RAB11FIP5: variants seen among roughly 807,000 people sequenced by gnomAD.
RAB11FIP5 encodes RAB11 family interacting protein 5.
A neutral mutation model predicts 85.1 loss-of-function variants in RAB11FIP5; 48 were observed. The observed-to-expected ratio is 0.56, with a 90% CI of 0.45 to 0.72. The LOEUF is 0.72. Among genes scored for constraint, RAB11FIP5 ranks in the 30% least tolerant of loss-of-function variants. RAB11FIP5 has a pLI of 0.00. For missense variants in RAB11FIP5, 1,491 were observed against 1,687.0 expected, an observed-to-expected ratio of 0.88 and a Z score of 2.04; for synonymous variants, 729 against 727.3, an observed-to-expected ratio of 1.00 and a Z score of -0.04.
chr2:73,105,627 T>A (rs940732263), intron 1 of RAB11FIP5, among the ~76,000 whole-genome samples: 6 of 151,668 alleles, frequency 4.0e-5, no homozygotes, highest in Non-Finnish European at 8.8e-5. Flanking sequence ...GGGACAGACA[T>A]AAGGCTAGAG....
chr2:73,094,340 T>G (rs552544506), intron 1 of RAB11FIP5, among the ~76,000 whole-genome samples: 3 of 152,082 alleles, frequency 2.0e-5, no homozygotes, highest in South Asian at 2.1e-4. Flanking sequence ...ACCTGTCACT[T>G]TCATCCAGGG....
chr2:73,079,010 C>A (rs150834264), intron 4 of RAB11FIP5, among the ~76,000 whole-genome samples: 1 of 152,342 alleles, frequency 6.6e-6, no homozygotes, highest in African/African-American at 2.4e-5. Flanking sequence ...GCACCAAACG[C>A]AAACCAATGA....
chr2:73,094,523 A>G (rs1684281454), intron 1 of RAB11FIP5, among the ~76,000 whole-genome samples: 1 of 152,186 alleles, frequency 6.6e-6, no homozygotes. Flanking sequence ...CGCCACCCAG[A>G]CTTACTGAAC....
rs1380179440 is a variant in RAB11FIP5 at position 73,080,183 on chromosome 2, G to T, written c.3049C>A (p.His1017Asn). 19 of 1,232,114 alleles carry T rather than the reference G, an allele frequency of 1.5e-5. 1 individual carries two copies. The highest frequency in any genetic ancestry group is 1.6e-5 in the African/African-American group (1 of 64,360). 76.3% of individuals were successfully genotyped at this position (1,232,114 alleles called of 1,614,324 possible). ...CCAACCTCTGGAGTCCCCCAGATGT[G>T]CTGACTCTGAAGAGCCAAGCTCTTT... Reference protein sequence around the residue: ...HSKSLALQSQHIWGTPEVGEG... With the variant: ...HSKSLALQSQNIWGTPEVGEG... Residue 1017 changes from histidine (H) to asparagine (N), a missense_variant, in exon 4 of 6, where the codon CAC (histidine) becomes AAC (asparagine). Transcript: ENST00000486777.
At chr2:73,111,278 G>A (rs1216427093) in intron 1 of RAB11FIP5, among the ~76,000 whole-genome samples, 1 of 152,000 alleles carries the variant, frequency 6.6e-6, no homozygotes, top group Non-Finnish European at 1.5e-5. Flanking sequence ...TTTGCACCAG[G>A]CTCATCCCCC....
In RAB11FIP5 at chr2:73,081,160, G is replaced by A. The variant is rs1252003941; in HGVS notation, c.2072C>T (p.Ala691Val). The change falls in exon 4 of 6, where the codon GCG (alanine) becomes GTG (valine). Residue 691 changes from alanine to valine, a missense_variant. Transcript: ENST00000486777. This position sits in a 1 kb window ranked among gnomAD's most constrained non-coding sequence, Gnocchi z 4.2. ...CTCTCCCTGGGGCTCAGCTGCCTTC[G>A]CAGTCATGGCCCCAGGGCCTGGGTC... ...LQDPGPGAMT[A>V]KAAEPQGEPG... 50 of 1,232,670 alleles carry A rather than the reference G, an allele frequency of 4.1e-5. No homozygotes were observed. Among genetic ancestry groups the A allele is most frequent in the Middle Eastern group, 3.1e-4 (1 of 3,266 alleles). 76.4% of individuals were successfully genotyped at this position (1,232,670 alleles called of 1,614,324 possible).
Position 73,089,296 on chromosome 2 carries a change from T to G in RAB11FIP5, c.451A>C (p.Lys151Gln). The G allele has an allele frequency of 6.2e-7, 1 of 1,613,860 alleles. No individual in the cohort carries two copies. Among genetic ancestry groups the G allele is most frequent in the East Asian group, 2.2e-5 (1 of 44,860 alleles). Residue 151 changes from lysine (K) to glutamine (Q), a missense_variant, in exon 2 of 6, where the codon AAG becomes CAG. This residue lies in a region of RAB11FIP5 where 1,211 missense variants were observed against 1,338.0 expected (regional missense o/e 0.91). Transcript: ENST00000486777. The surrounding 1 kb of genome is among the most constrained non-coding windows in gnomAD (Gnocchi z 4.6). ...QHTQWYKLHS[K>Q]PGKKEKERGE... is the part of the protein sequence containing the mutation. ...CGTTCCTTCTCCTTCTTGCCTGGCT[T>G]GGAGTGCAGCTTGTACCACCTGTGA...
intron 1 of RAB11FIP5, among the ~76,000 whole-genome samples, chr2:73,102,509 C>A (rs912656622): frequency 6.6e-6 from 1 of 152,082 alleles, no homozygotes; most frequent in African/African-American, 2.4e-5. Flanking sequence ...TTTTTTAAGC[C>A]TGAACTAGGA....
chr2:73,112,525 G>T lies in RAB11FIP5; in HGVS notation c.253C>A (p.Leu85Met), dbSNP rs765330022. ...GCGTCGGCCTCCTGCGCCCGCAGCAGGCCATCCAGGGCCCCCGGCGGCAGC... is the reference window on the plus strand; with the variant it reads ...GCGTCGGCCTCCTGCGCCCGCAGCATGCCATCCAGGGCCCCCGGCGGCAGC... ...FELPPGALDG[L>M]LRAQEADAGP... The change falls in exon 1 of 6, where the codon CTG becomes ATG. Residue 85 changes from leucine (L) to methionine (M), a missense_variant. Leu to Met is a conservative substitution (Grantham distance 15). Coordinates refer to ENST00000486777, the MANE Select transcript of RAB11FIP5 (RefSeq NM_001371272.1). 1 of 1,519,770 alleles carries T rather than the reference G, an allele frequency of 6.6e-7. No individual in the cohort carries two copies. Among genetic ancestry groups the T allele is most frequent in the Admixed American group, 2.1e-5 (1 of 46,944 alleles). The allele number at this position is 1,519,770 out of a possible 1,614,324, so 94.1% of individuals were successfully genotyped here. A position where few individuals can be genotyped will look rare whatever the true frequency, so the allele number is the denominator to read the frequency against.
chr2:73,080,466 T>TGA lies in RAB11FIP5; in HGVS notation c.2765_2766insTC (p.Val923GlnfsTer4). ...CCGGCCCCCTGTTACTCAGCCCCACTGCGGCCTTCTCCTCCTCCTCCTCCT... is the reference window on the plus strand; with the variant it reads ...CCGGCCCCCTGTTACTCAGCCCCACTGAGCGGCCTTCTCCTCCTCCTCCTCCT... On this transcript the variant is annotated frameshift_variant, in exon 4 of 6. Transcript: ENST00000486777. LOFTEE classifies it high-confidence loss of function. 1 of 1,233,732 alleles carries TGA rather than the reference T, an allele frequency of 8.1e-7. No individual in the cohort carries two copies. Among genetic ancestry groups the TGA allele is most frequent in the Non-Finnish European group, 1.0e-6 (1 of 988,848 alleles). The allele number at this position is 1,233,732 out of a possible 1,614,324, so 76.4% of individuals were successfully genotyped here.
In RAB11FIP5 at chr2:73,093,919, G is replaced by C. The variant is rs370636843; in HGVS notation, c.432-4604C>G. 8.5e-5 allele frequency among the ~76,000 whole-genome samples: 13 copies of C among 152,330 alleles called. No homozygotes were observed. The East Asian group carries it at 2.1e-3, about 25-fold the overall frequency. Reference sequence around the variant, plus strand: ...GCAGATCACTTGAGGCCAGGAGTTTGAGACCTGCCTGGCCAACATGGCGAA... The same window carrying C: ...GCAGATCACTTGAGGCCAGGAGTTTCAGACCTGCCTGGCCAACATGGCGAA... On this transcript the variant is annotated intron_variant, in intron 1 of 5. Coordinates refer to ENST00000486777, the MANE Select transcript of RAB11FIP5 (RefSeq NM_001371272.1).
rs184526460 is a variant in RAB11FIP5 at position 73,108,712 on chromosome 2, T to C, written c.431+3635A>G. Among the ~76,000 whole-genome samples, 800 of 152,234 alleles carry C rather than the reference T, an allele frequency of 5.3e-3. 23 individuals are homozygous for C. Among genetic ancestry groups the C allele is most frequent in the Non-Finnish European group, 1.3e-3 (90 of 68,020 alleles). Reference sequence around the variant, plus strand: ...CACATCCCATCCCTGTCTTGGGAGTTAGGGAGGCAAACACAGGACACCCAC... The same window carrying C: ...CACATCCCATCCCTGTCTTGGGAGTCAGGGAGGCAAACACAGGACACCCAC... On this transcript the variant is annotated intron_variant, in intron 1 of 5. Transcript: ENST00000486777.
At chr2:73,104,937 C>T (rs972826815) in intron 1 of RAB11FIP5, among the ~76,000 whole-genome samples, 12 of 152,310 alleles carry the variant, frequency 7.9e-5, no homozygotes, top group African/African-American at 2.6e-4. Context: ...CACTTTATTT[C>T]CCTGGTTTCC....
At chr2:73,093,540 C>G (rs1684259435) in intron 1 of RAB11FIP5, among the ~76,000 whole-genome samples, 1 of 152,208 alleles carries the variant, frequency 6.6e-6, no homozygotes. Flanking sequence ...CTGCAGGGCC[C>G]TCTCTCAGCT....
chr2:73,108,692 C>T (rs1304361229), intron 1 of RAB11FIP5, among the ~76,000 whole-genome samples: 2 of 152,222 alleles, frequency 1.3e-5, no homozygotes, highest in Admixed American at 6.5e-5. Flanking sequence ...ACCACCACAT[C>T]CCATCCCTGT....
intron 1 of RAB11FIP5, among the ~76,000 whole-genome samples, chr2:73,093,740 C>T (rs1025016483): frequency 2.0e-5 from 3 of 152,238 alleles, no homozygotes; most frequent in East Asian, 3.9e-4. Context: ...CTCCCACGAC[C>T]GTGAGCTCTT....
intron 1 of RAB11FIP5, among the ~76,000 whole-genome samples, chr2:73,104,003 CCCA>C (rs1476676719): frequency 6.6e-6 from 1 of 152,148 alleles, no homozygotes; most frequent in African/African-American, 2.4e-5. Context: ...CAGTTCAGAC[CCCA>C]CAACAGGGGG....
At position 73,105,743 on chromosome 2, in the gene RAB11FIP5, A is replaced by G. The variant is rs114861604; in HGVS notation, c.431+6604T>C. 3.6e-3 allele frequency among the ~76,000 whole-genome samples: 542 copies of G among 151,918 alleles called. 5 individuals carry two copies. Among genetic ancestry groups the G allele is most frequent in the African/African-American group, 0.012 (515 of 41,404 alleles). On this transcript the variant is annotated intron_variant, in intron 1 of 5. Coordinates refer to ENST00000486777, the MANE Select transcript of RAB11FIP5 (RefSeq NM_001371272.1). ...ACCCCCGAGATCCATGTCAAGGAGAAGAGAGGAAGCCTTGGCAGGCAGCAG... is the reference window on the plus strand; with the variant it reads ...ACCCCCGAGATCCATGTCAAGGAGAGGAGAGGAAGCCTTGGCAGGCAGCAG...
chr2:73,088,975 G>T lies in RAB11FIP5; in HGVS notation c.772C>A (p.Leu258Met). 7 of 1,614,156 alleles carry T rather than the reference G, an allele frequency of 4.3e-6. No individual in the cohort carries two copies. Among genetic ancestry groups the T allele is most frequent in the Non-Finnish European group, 5.9e-6 (7 of 1,180,014 alleles). The change falls in exon 2 of 6, where the codon CTG becomes ATG. Residue 258 changes from leucine to methionine, a missense_variant. Physicochemically the swap from Leu to Met is conservative, Grantham distance 15. Around this residue, in one of 3 missense-constraint regions of RAB11FIP5, gnomAD observed 1,211 missense variants for 1,338.0 expected, o/e 0.91. Coordinates refer to ENST00000486777, the MANE Select transcript of RAB11FIP5 (RefSeq NM_001371272.1). ...GCCAAGCTCCCGCTGGCTGAGGACA[G>T]GGTGCTGTCCGAGCCCAGCGAGGTG... ...SNTSLGSDST[L>M]SSASGSLAYQ...
Sources: allele counts gnomAD v4.1 joint callset (sites outside exome capture counted in the v4.1 genomes callset), GRCh38; gene constraint gnomAD v4.1.1; regional missense constraint gnomAD v4.1.1; non-coding constraint Gnocchi (gnomAD v3.1); transcripts MANE v1.5; gene names NCBI Gene and HGNC (gene_info 2026-07-23, HGNC 2026-07-21).